PACSIN2: variants seen among roughly 807,000 people sequenced by gnomAD.
The protein encoded by PACSIN2 is protein kinase C and casein kinase substrate in neurons protein 2.
PACSIN2 carries 25 observed loss-of-function variants against 63.8 expected under a neutral mutation model. That is an observed-to-expected ratio of 0.39 (90% confidence interval 0.29 to 0.55). PACSIN2 has a LOEUF of 0.55. Ranked by LOEUF, PACSIN2 falls within the 20% of genes least tolerant of loss-of-function variation. PACSIN2 has a pLI of 0.62. For synonymous variants in PACSIN2, 255 were observed against 256.2 expected, an observed-to-expected ratio of 1.00 and a Z score of 0.05; for missense variants, 518 against 646.9, an observed-to-expected ratio of 0.80 and a Z score of 2.16.
At chr22:43,001,126 GCATGC>G (rs756323286) in intron 1 of PACSIN2, among the ~76,000 whole-genome samples, 14 of 152,222 alleles carry the variant, frequency 9.2e-5, no homozygotes, top group Non-Finnish European at 1.3e-4. Context: ...CCCTATCAGT[GCATGC>G]CATGCCATGC....
At position 42,942,496 on chromosome 22, in the gene PACSIN2, A is replaced by T. The variant is rs368401904; in HGVS notation, c.-77-30339T>A. On this transcript the variant is annotated intron_variant, in intron 1 of 10. Transcript: ENST00000263246. ...AGTTTTACATCACTTATTATGACTA[A>T]TTTTTTTAAACGTTTTTTTAATTAA... Among the ~76,000 whole-genome samples, 229 of 152,128 alleles carry T rather than the reference A, an allele frequency of 1.5e-3. 7 individuals carry two copies. The South Asian group carries it at 0.047, about 31-fold the overall frequency.
chr22:42,974,108 C>T (rs1006588109), intron 1 of PACSIN2, among the ~76,000 whole-genome samples: 3 of 152,196 alleles, frequency 2.0e-5, no homozygotes, highest in African/African-American at 4.8e-5. Context: ...AGCACCTGGC[C>T]TGGTGCCTGG....
intron 2 of PACSIN2, among the ~76,000 whole-genome samples, chr22:42,904,980 GA>G (rs1930969550): frequency 6.6e-6 from 1 of 152,164 alleles, no homozygotes; most frequent in Admixed American, 6.5e-5. Flanking sequence ...GCTCTAAAAT[GA>G]AAGGAGATTT....
intron 1 of PACSIN2, among the ~76,000 whole-genome samples, chr22:42,925,892 CCAGCCTTGGCT>C (rs1413901225): frequency 6.6e-6 from 1 of 152,124 alleles, no homozygotes. Flanking sequence ...CTCTATGTCA[CCAGCCTTGGCT>C]CAGCTCGGGC....
intron 1 of PACSIN2, among the ~76,000 whole-genome samples, chr22:43,004,480 C>A (rs973305630): frequency 1.3e-5 from 2 of 152,162 alleles, no homozygotes; most frequent in Non-Finnish European, 2.9e-5. Flanking sequence ...AGCTAAGTGG[C>A]GAGCAGGCAG....
chr22:42,872,013 C>T (rs1003981850), intron 10 of PACSIN2, among the ~76,000 whole-genome samples: 3 of 152,244 alleles, frequency 2.0e-5, no homozygotes, highest in Non-Finnish European at 2.9e-5. Context: ...TGCACGGTGC[C>T]ATGTGTCAAC....
At chr22:42,893,652 G>T (rs1930082441) in intron 2 of PACSIN2, 39 bp from the exon 3 acceptor site, 3 of 1,598,954 alleles carry the variant, frequency 1.9e-6, no homozygotes, top group South Asian at 2.2e-5. Flanking sequence ...GGGGCTTGGG[G>T]CAGCCTGTCC....
rs1361118562 is a variant in PACSIN2, at chr22:42,990,853, A to G, written c.-78+24168T>C. ...CTCTATTTGGCTCAAGAGCTAATGA[A>G]AAATGCTAAACCATATCTGTCCTTC... On this transcript the variant is annotated intron_variant, in intron 1 of 10. Coordinates refer to ENST00000263246, the MANE Select transcript of PACSIN2 (RefSeq NM_001184970.3). Among the ~76,000 whole-genome samples, 5 of 152,202 alleles carry G rather than the reference A, an allele frequency of 3.3e-5. No individual in the cohort carries two copies. In the East Asian group the frequency reaches 9.6e-4, roughly 29 times the overall value.
At chr22:42,995,473 A>C (rs1923334474) in intron 1 of PACSIN2, among the ~76,000 whole-genome samples, 2 of 152,128 alleles carry the variant, frequency 1.3e-5, no homozygotes, top group South Asian at 4.1e-4. Context: ...TTTTTAAAGC[A>C]ACTTTTCAGG....
intron 1 of PACSIN2, among the ~76,000 whole-genome samples, chr22:42,980,135 A>G (rs923421319): frequency 6.6e-6 from 1 of 152,232 alleles, no homozygotes; most frequent in African/African-American, 2.4e-5. Context: ...AAACAAGTAT[A>G]GAGTATTGGG....
rs1928018946 is a variant in PACSIN2, at chr22:42,870,487, C to T, written c.*870G>A. On this transcript the variant is annotated 3_prime_UTR_variant, in exon 11 of 11. Transcript: ENST00000263246. ...ATATCAAATAATATATACAGATAGA[C>T]ACTGAGACATGACAGTCTAATCTAA... 6.6e-6 allele frequency: 1 copy of T among 152,160 alleles called. No homozygotes were observed. Among genetic ancestry groups the T allele is most frequent in the African/African-American group, 2.4e-5 (1 of 41,438 alleles). 9.4% of individuals were successfully genotyped at this position (152,160 alleles called of 1,614,324 possible). A position where few individuals can be genotyped will look rare whatever the true frequency, so the allele number is the denominator to read the frequency against.
At chr22:42,953,884 C>T (rs1029649528) in intron 1 of PACSIN2, among the ~76,000 whole-genome samples, 1 of 152,192 alleles carries the variant, frequency 6.6e-6, no homozygotes, top group Non-Finnish European at 1.5e-5. Flanking sequence ...AGACGAAATT[C>T]ACCTAAGGAA....
At chr22:42,904,754 G>C (rs1221452988) in intron 2 of PACSIN2, among the ~76,000 whole-genome samples, 1 of 151,946 alleles carries the variant, frequency 6.6e-6, no homozygotes, top group Non-Finnish European at 1.5e-5. Context: ...CTCCACCCTG[G>C]CCCTAGCCCC....
chr22:42,958,647 T>C lies in PACSIN2; in HGVS notation c.-77-46490A>G, dbSNP rs539381638. On this transcript the variant is annotated intron_variant, in intron 1 of 10. Coordinates refer to ENST00000263246, the MANE Select transcript of PACSIN2 (RefSeq NM_001184970.3). ...GGGCCCGATTAAGGTCGGACAGACA[T>C]ACTATATACCTTGGGGGTTTCTAGA... Among the ~76,000 whole-genome samples, 30 of 152,344 alleles carry C rather than the reference T, an allele frequency of 2.0e-4. No homozygotes were observed. The Middle Eastern group carries it at 0.014, about 69-fold the overall frequency.
At chr22:42,885,201 G>A (rs756708604) in intron 5 of PACSIN2, among the ~76,000 whole-genome samples, 60 of 152,212 alleles carry the variant, frequency 3.9e-4, no homozygotes, top group Admixed American at 2.1e-3. Context: ...GCTAGAAAAC[G>A]TGTGAAATTC....
chr22:42,955,447 G>A (rs1172799361), intron 1 of PACSIN2, among the ~76,000 whole-genome samples: 3 of 151,820 alleles, frequency 2.0e-5, no homozygotes. Context: ...ACCAATAAAA[G>A]CTGTCATACC....
At chr22:42,933,580 A>G (rs1170965235) in intron 1 of PACSIN2, among the ~76,000 whole-genome samples, 2 of 152,244 alleles carry the variant, frequency 1.3e-5, no homozygotes, top group Admixed American at 1.3e-4. Context: ...AAGCAAAAGC[A>G]GCAGCCTGTC....
chr22:42,883,346 G>A (rs1360096730), intron 6 of PACSIN2, among the ~76,000 whole-genome samples: 2 of 152,218 alleles, frequency 1.3e-5, no homozygotes, highest in Non-Finnish European at 2.9e-5. Flanking sequence ...CAGCGGTGCA[G>A]TAACTGTTGC....
intron 1 of PACSIN2, among the ~76,000 whole-genome samples, chr22:42,999,847 C>T (rs779051722): frequency 7.9e-5 from 12 of 152,308 alleles, no homozygotes; most frequent in Non-Finnish European, 1.5e-4. Context: ...CTTCTCTGAG[C>T]CTATTTCCTC....
Sources: allele counts gnomAD v4.1 joint callset (sites outside exome capture counted in the v4.1 genomes callset), GRCh38; gene constraint gnomAD v4.1.1; transcripts MANE v1.5; gene names NCBI Gene and HGNC (gene_info 2026-07-23, HGNC 2026-07-21).